The following ADARB2 variants were observed in gnomAD, a reference collection of about 807,000 sequenced individuals.
The protein encoded by ADARB2 is inactive double-stranded RNA-specific editase B2.
Under a neutral mutation model 62.2 loss-of-function variants are expected in ADARB2, and 25 were observed. The observed-to-expected ratio is 0.40, with a 90% confidence interval of 0.29 to 0.56. The LOEUF (loss-of-function observed/expected upper bound fraction) is 0.56. Among genes scored for constraint, ADARB2 ranks in the 20% least tolerant of loss-of-function variants. ADARB2 has a pLI of 0.43. For missense variants in ADARB2, 1,071 were observed against 1,077.4 expected (o/e 0.99, Z 0.08); for synonymous variants, 572 against 500.8 (o/e 1.14, Z -1.90).
intron 1 of ADARB2, among the ~76,000 whole-genome samples, chr10:1,569,092 CAGAG>C (rs1023875284): frequency 6.7e-6 from 1 of 150,316 alleles, no homozygotes; most frequent in Admixed American, 6.6e-5. Context: ...CAGAGACAGA[CAGAG>C]AGAGACAGGG....
Position 1,653,854 on chromosome 10 carries a change from A to C in ADARB2, c.100+83197T>G, listed in dbSNP as rs1008464443. 1.1e-4 allele frequency among the ~76,000 whole-genome samples: 16 copies of C among 152,036 alleles called. 1 individual carries two copies. The highest frequency in any genetic ancestry group is 3.9e-4 in the African/African-American group (16 of 41,368). On this transcript the variant is annotated intron_variant, in intron 1 of 9. Transcript: ENST00000381312. ...ACCCTCCCTAGCAGGGTTTTTATTAATGGGGTTTTCAGCAGCTTGCGATTG... is the reference window on the plus strand; with the variant it reads ...ACCCTCCCTAGCAGGGTTTTTATTACTGGGGTTTTCAGCAGCTTGCGATTG...
intron 3 of ADARB2, among the ~76,000 whole-genome samples, chr10:1,277,015 A>G (rs1831324252): frequency 6.6e-6 from 1 of 152,246 alleles, no homozygotes. Flanking sequence ...TACTGGGTAC[A>G]TAATGAAATG....
chr10:1,394,485 A>G (rs1049369076), intron 1 of ADARB2, among the ~76,000 whole-genome samples: 3 of 152,210 alleles, frequency 2.0e-5, no homozygotes, highest in Admixed American at 6.5e-5. Context: ...CTTTGCAATA[A>G]TCTCCTATTC....
At chr10:1,395,380 G>T (rs1832602460) in intron 1 of ADARB2, among the ~76,000 whole-genome samples, 2 of 152,210 alleles carry the variant, frequency 1.3e-5, no homozygotes, top group Non-Finnish European at 2.9e-5. Context: ...GTCCTGGGAG[G>T]AGCTCGCTGA....
intron 1 of ADARB2, among the ~76,000 whole-genome samples, chr10:1,528,948 G>A (rs958929265): frequency 9.2e-5 from 14 of 152,048 alleles, no homozygotes; most frequent in Admixed American, 7.2e-4. Flanking sequence ...AGGTTCCCAC[G>A]GTTCTCTCTT....
intron 1 of ADARB2, among the ~76,000 whole-genome samples, chr10:1,630,398 CCCTGGGTACCAG>C (rs1250181082): frequency 3.3e-5 from 5 of 152,146 alleles, no homozygotes; most frequent in Non-Finnish European, 5.9e-5. Flanking sequence ...TGACACCCTT[CCCTGGGTACCAG>C]CCTGTTCTCA....
At chr10:1,379,265 G>A in intron 1 of ADARB2, 105 bp from the exon 2 acceptor site, 1 of 895,670 alleles carries the variant, frequency 1.1e-6, no homozygotes, top group South Asian at 1.5e-5. Context: ...GAGGTGGAGA[G>A]GTCACTTTGG....
intron 1 of ADARB2, among the ~76,000 whole-genome samples, chr10:1,482,509 G>T (rs759944748): frequency 6.6e-5 from 10 of 152,158 alleles, no homozygotes; most frequent in Non-Finnish European, 1.5e-4. Context: ...CAAAATAGAG[G>T]TTACCAGGAG....
chr10:1,409,841 G>A (rs1446186812), intron 1 of ADARB2, among the ~76,000 whole-genome samples: 1 of 125,846 alleles, frequency 7.9e-6, no homozygotes, highest in African/African-American at 2.7e-5. Context: ...GCCTGGCCGT[G>A]GTCACAGGGA....
chr10:1,472,024 T>C (rs10794751), intron 1 of ADARB2, among the ~76,000 whole-genome samples: 147,877 of 152,312 alleles, frequency 0.97, 71,913 homozygotes, highest in East Asian at 1. Context: ...ATCCACACTA[T>C]ACCATCTTGC....
At chr10:1,594,615 G>A (rs141031598) in intron 1 of ADARB2, among the ~76,000 whole-genome samples, 1 of 152,172 alleles carries the variant, frequency 6.6e-6, no homozygotes, top group Admixed American at 6.5e-5. Context: ...CAGACCCTTT[G>A]CAGTGGCCTT....
At chr10:1,249,441 C>CAAA (rs59037749) in intron 4 of ADARB2, among the ~76,000 whole-genome samples, 164 of 74,406 alleles carry the variant, frequency 2.2e-3, no homozygotes, top group African/African-American at 5.9e-3. Context: ...GACCCTGTCT[C>CAAA]AAAAAAAAAA....
intron 1 of ADARB2, among the ~76,000 whole-genome samples, chr10:1,512,119 G>A (rs1564313221): frequency 6.6e-6 from 1 of 151,838 alleles, no homozygotes; most frequent in Admixed American, 6.6e-5. Flanking sequence ...TGTCAATGCT[G>A]TCTACACTGG....
chr10:1,669,794 A>T (rs1834360261), intron 1 of ADARB2, among the ~76,000 whole-genome samples: 1 of 152,090 alleles, frequency 6.6e-6, no homozygotes, highest in Non-Finnish European at 1.5e-5. Flanking sequence ...ACACAGACAC[A>T]GTCACAGAGA....
intron 1 of ADARB2, among the ~76,000 whole-genome samples, chr10:1,641,814 A>C (rs1588335167): frequency 6.6e-6 from 1 of 152,164 alleles, no homozygotes; most frequent in Non-Finnish European, 1.5e-5. Flanking sequence ...GGAGTTTGAG[A>C]CCAGCCTGGC....
chr10:1,617,221 A>G (rs112218754), intron 1 of ADARB2, among the ~76,000 whole-genome samples: 4,430 of 46,896 alleles, frequency 0.094, no homozygotes, highest in African/African-American at 0.13. Context: ...GACACACTCC[A>G]CACCGCCCTG....
rs552557389 is a variant in ADARB2 at position 1,194,521 on chromosome 10, T to TA, written c.1864+5444dup. ...ATCTATCATCTATCTATTATCTATC[T>TA]ATCTAATCTATCTATCTGTCTGTCT... On this transcript the variant is annotated intron_variant, in intron 8 of 9. Coordinates refer to ENST00000381312, the MANE Select transcript of ADARB2 (RefSeq NM_018702.4). Among the ~76,000 whole-genome samples the TA allele has an allele frequency of 4.5e-3, 416 of 92,262 alleles. 3 individuals carry two copies. The highest frequency in any genetic ancestry group is 5.6e-3 in the Middle Eastern group (1 of 178). The allele number at this position is 92,262 out of a possible 152,430, so 60.5% of individuals were successfully genotyped here.
chr10:1,209,145 T>G lies in ADARB2; in HGVS notation c.1682+7806A>C, dbSNP rs550698247. On this transcript the variant is annotated intron_variant, in intron 7 of 9. Coordinates refer to ENST00000381312, the MANE Select transcript of ADARB2 (RefSeq NM_018702.4). ...GACACACAGGATGGAGACAAACGAC[T>G]CGTTCAGTGATCCCCAGAGCAACGC... Among the ~76,000 whole-genome samples the G allele has an allele frequency of 1.2e-4, 19 of 152,236 alleles. 1 individual carries two copies. In the South Asian group the frequency reaches 2.3e-3, roughly 18 times the overall value.
chr10:1,489,980 G>A (rs934590437), intron 1 of ADARB2, among the ~76,000 whole-genome samples: 1 of 152,186 alleles, frequency 6.6e-6, no homozygotes, highest in Non-Finnish European at 1.5e-5. Flanking sequence ...TGCTACAGGT[G>A]CACGGACAAC....
Sources: gnomAD v4.1 joint callset for allele counts (sites outside exome capture counted in the v4.1 genomes callset) on GRCh38, gnomAD v4.1.1 for gene constraint, MANE v1.5 for transcripts, NCBI Gene and HGNC (gene_info 2026-07-23, HGNC 2026-07-21) for gene names.